Variants in GULP1 observed in about 807,000 individuals in gnomAD.
GULP1 encodes PTB domain-containing engulfment adapter protein 1.
In GULP1, 19 loss-of-function variants were observed where a neutral mutation model predicts 40.9. That is an observed-to-expected ratio of 0.46 (90% CI 0.32 to 0.68). The LOEUF is 0.68. Ranked by LOEUF, GULP1 falls within the 30% of genes least tolerant of loss-of-function variation. The pLI, the probability that GULP1 is intolerant of heterozygous loss-of-function variation, is 0.03. For synonymous variants in GULP1, 119 were observed against 117.6 expected (o/e 1.01, Z -0.08); for missense variants, 312 against 362.2 (o/e 0.86, Z 1.12).
intron 4 of GULP1, among the ~76,000 whole-genome samples, chr2:188,495,419 C>T (rs10804022): frequency 0.97 from 148,358 of 152,190 alleles, 72,436 homozygotes; most frequent in East Asian, 1. Context: ...TCCTCCACTG[C>T]GTTGTCAAGG....
chr2:188,482,114 G>T (rs747280630), intron 3 of GULP1, among the ~76,000 whole-genome samples: 5 of 151,788 alleles, frequency 3.3e-5, no homozygotes, highest in Non-Finnish European at 7.4e-5. Flanking sequence ...GTCAGAAATA[G>T]ACCCAATTCT....
intron 6 of GULP1, among the ~76,000 whole-genome samples, chr2:188,529,510 AAG>A (rs1406828019): frequency 1.3e-5 from 2 of 152,190 alleles, no homozygotes; most frequent in African/African-American, 4.8e-5. Flanking sequence ...CTGAGTATGA[AAG>A]AAGATAAAAG....
chr2:188,376,517 G>A (rs973689409), intron 1 of GULP1, among the ~76,000 whole-genome samples: 1 of 152,026 alleles, frequency 6.6e-6, no homozygotes, highest in African/African-American at 2.4e-5. Flanking sequence ...ACGTTCAAAG[G>A]CCATAAGCCA....
chr2:188,583,743 AT>A (rs949425254), intron 9 of GULP1, among the ~76,000 whole-genome samples: 12 of 152,170 alleles, frequency 7.9e-5, no homozygotes, highest in Admixed American at 3.9e-4. Context: ...GTTGGTTCCC[AT>A]TGTTGATATA....
intron 2 of GULP1, among the ~76,000 whole-genome samples, chr2:188,396,961 C>G (rs1052664496): frequency 1.3e-5 from 2 of 152,142 alleles, no homozygotes; most frequent in African/African-American, 4.8e-5. Flanking sequence ...TAAGGCCTTC[C>G]CCTGTAGCCT....
chr2:188,350,202 A>G (rs887455702), intron 1 of GULP1, among the ~76,000 whole-genome samples: 2 of 152,126 alleles, frequency 1.3e-5, no homozygotes, highest in African/African-American at 4.8e-5. Context: ...TTTCTATATG[A>G]ATTTTGGGAT....
intron 6 of GULP1, among the ~76,000 whole-genome samples, chr2:188,534,384 A>C (rs552990460): frequency 6.6e-6 from 1 of 152,298 alleles, no homozygotes; most frequent in Admixed American, 6.5e-5. Flanking sequence ...GATTTAATGC[A>C]GAAACAGAAA....
rs186409536 is a variant in GULP1 at position 188,537,308 on chromosome 2, G to A, written c.262-3873G>A. Among the ~76,000 whole-genome samples the A allele has an allele frequency of 6.6e-5, 10 of 152,084 alleles. No homozygotes were observed. In the East Asian group the frequency reaches 1.9e-3, roughly 29 times the overall value. On this transcript the variant is annotated intron_variant, in intron 6 of 11. Coordinates refer to ENST00000409830, the MANE Select transcript of GULP1 (RefSeq NM_016315.4). ...CCAGCTTTTGCCGGTTCAGTATTATGTTGGCTCTGGGTTGGTCATAGATGG... is the reference window on the plus strand; with the variant it reads ...CCAGCTTTTGCCGGTTCAGTATTATATTGGCTCTGGGTTGGTCATAGATGG...
chr2:188,315,144 C>G (rs1438694266), intron 1 of GULP1, among the ~76,000 whole-genome samples: 2 of 152,076 alleles, frequency 1.3e-5, no homozygotes, highest in African/African-American at 2.4e-5. Context: ...ATGGTGAAAA[C>G]TAATCTTCAA....
At chr2:188,299,943 A>G (rs1168857543) in intron 1 of GULP1, among the ~76,000 whole-genome samples, 1 of 152,258 alleles carries the variant, frequency 6.6e-6, no homozygotes, top group Non-Finnish European at 1.5e-5. Context: ...TGGATTTTAC[A>G]GTTATAGAGA....
At chr2:188,382,198 A>G (rs190393490) in intron 1 of GULP1, among the ~76,000 whole-genome samples, 100 of 152,282 alleles carry the variant, frequency 6.6e-4, no homozygotes, top group Non-Finnish European at 9.7e-4. Flanking sequence ...ACAAGAGACC[A>G]CTTTGCCAAC....
intron 1 of GULP1, among the ~76,000 whole-genome samples, chr2:188,360,604 A>G (rs765681148): frequency 5.9e-5 from 9 of 152,060 alleles, no homozygotes; most frequent in Admixed American, 2.0e-4. Flanking sequence ...TAAGTGGTGA[A>G]GCTTTTGTTT....
intron 1 of GULP1, among the ~76,000 whole-genome samples, chr2:188,310,166 C>T (rs2037834803): frequency 6.6e-6 from 1 of 152,056 alleles, no homozygotes; most frequent in South Asian, 2.1e-4. Context: ...GCTGTGGACT[C>T]TGAGGAACCA....
chr2:188,359,743 T>TA (rs2045847619), intron 1 of GULP1, among the ~76,000 whole-genome samples: 1 of 152,168 alleles, frequency 6.6e-6, no homozygotes, highest in Non-Finnish European at 1.5e-5. Flanking sequence ...AAATAACTGA[T>TA]TGCTCGTTTT....
At chr2:188,298,016 G>A (rs905750152) in intron 1 of GULP1, among the ~76,000 whole-genome samples, 44 of 152,108 alleles carry the variant, frequency 2.9e-4, no homozygotes, top group African/African-American at 1.0e-3. Context: ...CAACCTAGGT[G>A]AATTAAAACA....
chr2:188,310,366 AT>A, intron 1 of GULP1, among the ~76,000 whole-genome samples: 2 of 152,330 alleles, frequency 1.3e-5, no homozygotes, highest in East Asian at 3.9e-4. Context: ...TTTAAGAAAT[AT>A]CAAGGAGATT....
At chr2:188,550,723 ATTC>A (rs60571887) in intron 7 of GULP1, among the ~76,000 whole-genome samples, 3,243 of 151,716 alleles carry the variant, frequency 0.021, 106 homozygotes, top group African/African-American at 0.074. Flanking sequence ...TTTACTGCAT[ATTC>A]TTATTATAGC....
intron 2 of GULP1, among the ~76,000 whole-genome samples, chr2:188,440,557 C>G (rs2152861999): frequency 6.6e-6 from 1 of 152,214 alleles, no homozygotes; most frequent in East Asian, 1.9e-4. Context: ...GTAGTTTTCA[C>G]TAGCCATTTC....
At chr2:188,351,553 A>G (rs988140119) in intron 1 of GULP1, among the ~76,000 whole-genome samples, 1 of 152,172 alleles carries the variant, frequency 6.6e-6, no homozygotes, top group African/African-American at 2.4e-5. Flanking sequence ...ACCTTATAGC[A>G]CAGTAATGTA....
Sources: allele counts gnomAD v4.1 joint callset (sites outside exome capture counted in the v4.1 genomes callset), GRCh38; gene constraint gnomAD v4.1.1; transcripts MANE v1.5; gene names NCBI Gene and HGNC (gene_info 2026-07-23, HGNC 2026-07-21).